AKT3: variants seen among roughly 807,000 people sequenced by gnomAD.
AKT3 encodes the protein RAC-gamma serine/threonine-protein kinase.
Under a neutral mutation model 65.3 loss-of-function variants are expected in AKT3, and 15 were observed. The ratio of observed to expected loss-of-function variants is 0.23; its 90% CI spans 0.15 to 0.35. The LOEUF (loss-of-function observed/expected upper bound fraction) is 0.35. Ranked by LOEUF, AKT3 falls within the 10% of genes least tolerant of loss-of-function variation. The pLI is 1.00. For synonymous variants in AKT3, 206 were observed against 183.8 expected, an observed-to-expected ratio of 1.12 and a Z score of -0.98; for missense variants, 243 against 576.5, an observed-to-expected ratio of 0.42 and a Z score of 5.92.
chr1:243,543,334 CGTT>C (rs1334798916), intron 12 of AKT3, among the ~76,000 whole-genome samples: 4 of 152,116 alleles, frequency 2.6e-5, no homozygotes, highest in Admixed American at 6.5e-5. Flanking sequence ...GATAAGGAAA[CGTT>C]GTAGCAAATC....
chr1:243,785,497 G>A lies in AKT3; in HGVS notation c.46+57628C>T, dbSNP rs192693899. ...CTTATAGTTTAGAACTAAAGTTTCA[G>A]CTTCACAACTATTGGTGATGCTATG... On this transcript the variant is annotated intron_variant, in intron 2 of 13. Coordinates refer to ENST00000673466, the MANE Select transcript of AKT3 (RefSeq NM_005465.7). Among the ~76,000 whole-genome samples the A allele has an allele frequency of 2.1e-3, 321 of 152,112 alleles. 1 individual carries two copies. Among genetic ancestry groups the A allele is most frequent in the Middle Eastern group, 3.4e-3 (1 of 294 alleles).
chr1:243,612,762 C>T (rs1395134507), intron 8 of AKT3: 3 of 152,080 alleles, frequency 2.0e-5, no homozygotes, highest in African/African-American at 4.8e-5. Context: ...CATGGTAGGC[C>T]CGGCGTGGTG....
chr1:243,520,009 C>T (rs1462037669), intron 12 of AKT3, among the ~76,000 whole-genome samples: 2 of 152,074 alleles, frequency 1.3e-5, no homozygotes, highest in African/African-American at 2.4e-5. Flanking sequence ...TTTTTGAAGT[C>T]CCCTCATATT....
At chr1:243,583,540 C>CAAAAAAAAAAAA (rs1294857854) in intron 8 of AKT3, among the ~76,000 whole-genome samples, 10 of 29,814 alleles carry the variant, frequency 3.4e-4, no homozygotes, top group East Asian at 8.5e-4. Flanking sequence ...AAGTAAGTCT[C>CAAAAAAAAAAAA]AAAAAAAAAA....
chr1:243,662,661 C>T (rs961446556), intron 4 of AKT3, among the ~76,000 whole-genome samples: 2 of 151,354 alleles, frequency 1.3e-5, no homozygotes. Context: ...ACATATGTAA[C>T]TAACCTGCAC....
intron 6 of AKT3, among the ~76,000 whole-genome samples, chr1:243,633,657 AG>A (rs1020642946): frequency 5.3e-5 from 8 of 152,180 alleles, no homozygotes; most frequent in African/African-American, 1.9e-4. Context: ...AAATGACAAG[AG>A]AATTAAAATG....
At chr1:243,785,231 G>A (rs972017938) in intron 2 of AKT3, among the ~76,000 whole-genome samples, 2 of 148,568 alleles carry the variant, frequency 1.3e-5, no homozygotes, top group African/African-American at 2.6e-5. Context: ...ACCATGCCCA[G>A]CTAATTTTTT....
At chr1:243,663,706 A>G (rs1572130809) in intron 4 of AKT3, among the ~76,000 whole-genome samples, 1 of 152,216 alleles carries the variant, frequency 6.6e-6, no homozygotes, top group African/African-American at 2.4e-5. Context: ...AAAATTTTAG[A>G]CAAGACTGTT....
At chr1:243,824,409 T>C (rs1475020585) in intron 2 of AKT3, among the ~76,000 whole-genome samples, 2 of 152,156 alleles carry the variant, frequency 1.3e-5, no homozygotes, top group African/African-American at 2.4e-5. Context: ...AATTGACGAC[T>C]GGGATCTAAT....
At chr1:243,696,840 C>CTA (rs1247281008) in intron 2 of AKT3, among the ~76,000 whole-genome samples, 1 of 152,034 alleles carries the variant, frequency 6.6e-6, no homozygotes, top group Admixed American at 6.6e-5. Flanking sequence ...CCTAATGTAT[C>CTA]TATCACCTCC....
At chr1:243,665,948 T>C (rs1304865408) in intron 3 of AKT3, among the ~76,000 whole-genome samples, 1 of 152,212 alleles carries the variant, frequency 6.6e-6, no homozygotes, top group Non-Finnish European at 1.5e-5. Flanking sequence ...TTAGCAACTA[T>C]CAACTGCCAT....
chr1:243,583,195 T>TTTATATATATATATAC (rs1553409168), intron 8 of AKT3, among the ~76,000 whole-genome samples: 7 of 88,326 alleles, frequency 7.9e-5, no homozygotes, highest in African/African-American at 3.6e-4. Flanking sequence ...TATATATATA[T>TTTATATATATATATAC]ACACACACAC....
intron 2 of AKT3, among the ~76,000 whole-genome samples, chr1:243,757,433 C>T (rs1689206182): frequency 6.6e-6 from 1 of 152,118 alleles, no homozygotes; most frequent in African/African-American, 2.4e-5. Flanking sequence ...GCCTGGCCAA[C>T]ATGGTGAAAC....
intron 2 of AKT3, among the ~76,000 whole-genome samples, chr1:243,791,545 T>TA (rs1691632437): frequency 6.6e-6 from 1 of 152,238 alleles, no homozygotes. Context: ...GTAAAAACTG[T>TA]AAATATATGA....
intron 2 of AKT3, among the ~76,000 whole-genome samples, chr1:243,769,655 GAT>G (rs1322010263): frequency 6.6e-6 from 1 of 152,086 alleles, no homozygotes; most frequent in African/African-American, 2.4e-5. Context: ...TCATTGTTGA[GAT>G]ATAAGAATTT....
chr1:243,757,830 G>A (rs906986517), intron 2 of AKT3, among the ~76,000 whole-genome samples: 2 of 150,502 alleles, frequency 1.3e-5, no homozygotes, highest in Non-Finnish European at 2.9e-5. Flanking sequence ...GCGCAATCTC[G>A]GCTCACTGCA....
chr1:243,554,072 A>G (rs1673252583), intron 10 of AKT3, among the ~76,000 whole-genome samples: 1 of 152,256 alleles, frequency 6.6e-6, no homozygotes, highest in Admixed American at 6.5e-5. Flanking sequence ...CTGGAAGATT[A>G]CTCCTACATG....
chr1:243,814,044 C>A (rs1693359417), intron 2 of AKT3, among the ~76,000 whole-genome samples: 1 of 152,084 alleles, frequency 6.6e-6, no homozygotes, highest in Admixed American at 6.6e-5. Context: ...GAGGCTGCAC[C>A]AAGCTTTGAT....
At chr1:243,764,512 T>C (rs1689693331) in intron 2 of AKT3, among the ~76,000 whole-genome samples, 1 of 152,110 alleles carries the variant, frequency 6.6e-6, no homozygotes, top group Admixed American at 6.6e-5. Context: ...AGGAAATAGC[T>C]GTATTTTTAA....
Sources: allele counts gnomAD v4.1 joint callset (sites outside exome capture counted in the v4.1 genomes callset), GRCh38; gene constraint gnomAD v4.1.1; transcripts MANE v1.5; gene names NCBI Gene and HGNC (gene_info 2026-07-23, HGNC 2026-07-21).